The following VMP1 variants were observed in gnomAD, a reference collection of about 807,000 sequenced individuals.
VMP1 encodes the protein ectopic P-granules autophagy protein 3 homolog.
In VMP1, 11 loss-of-function variants were observed where a neutral mutation model predicts 56.0. That is an observed-to-expected ratio of 0.20 (90% CI 0.12 to 0.32). The LOEUF (loss-of-function observed/expected upper bound fraction) is 0.32. Among genes scored for constraint, VMP1 ranks in the 10% least tolerant of loss-of-function variants. The pLI, the probability that VMP1 is intolerant of heterozygous loss-of-function variation, is 1.00. For synonymous variants in VMP1, 149 were observed against 165.0 expected, an observed-to-expected ratio of 0.90 and a Z score of 0.74; for missense variants, 296 against 490.3, an observed-to-expected ratio of 0.60 and a Z score of 3.74.
chr17:59,732,590 G>A (rs181511022), intron 2 of VMP1, among the ~76,000 whole-genome samples: 7 of 152,268 alleles, frequency 4.6e-5, no homozygotes, highest in Admixed American at 4.6e-4. Context: ...ACATTTTGCA[G>A]CACTGATCTG....
intron 6 of VMP1, among the ~76,000 whole-genome samples, chr17:59,765,752 G>T (rs904449332): frequency 6.6e-6 from 1 of 152,062 alleles, no homozygotes; most frequent in Non-Finnish European, 1.5e-5. Flanking sequence ...CACAGGCAAA[G>T]GAGGTGGAGG....
At chr17:59,838,213 G>A (rs2039044902) in intron 10 of VMP1, 82 bp from the exon 11 acceptor site, 4 of 1,129,720 alleles carry the variant, frequency 3.5e-6, no homozygotes, top group Middle Eastern at 2.4e-4. Context: ...AGTCCAGGTG[G>A]TAAGTACATT....
intron 10 of VMP1, among the ~76,000 whole-genome samples, chr17:59,823,370 G>A (rs1245312337): frequency 6.6e-6 from 1 of 151,130 alleles, no homozygotes; most frequent in Non-Finnish European, 1.5e-5. Context: ...AGAATTTCTC[G>A]AACCTGGGAG....
chr17:59,832,830 C>G (rs937610342), intron 10 of VMP1, among the ~76,000 whole-genome samples: 1 of 140,502 alleles, frequency 7.1e-6, no homozygotes, highest in African/African-American at 2.7e-5. Context: ...AGGCTGGTCT[C>G]GAACTCCTGA....
intron 9 of VMP1, among the ~76,000 whole-genome samples, chr17:59,817,199 G>T (rs548295729): frequency 1.1e-4 from 14 of 132,658 alleles, no homozygotes; most frequent in Admixed American, 1.8e-4. Flanking sequence ...GCTTGAACCC[G>T]GGAGGCGGAG....
At chr17:59,743,268 T>C (rs909189963) in intron 5 of VMP1, among the ~76,000 whole-genome samples, 1 of 152,156 alleles carries the variant, frequency 6.6e-6, no homozygotes, top group Non-Finnish European at 1.5e-5. Flanking sequence ...CTTCCCCACC[T>C]GCCCCCAAAC....
chr17:59,802,053 T>C (rs916204134), intron 7 of VMP1, among the ~76,000 whole-genome samples: 2 of 151,648 alleles, frequency 1.3e-5, no homozygotes, highest in African/African-American at 4.8e-5. Flanking sequence ...ATACAAAAAT[T>C]AGCTGGGCAT....
At chr17:59,788,840 G>C (rs934589539) in intron 7 of VMP1, among the ~76,000 whole-genome samples, 1 of 150,640 alleles carries the variant, frequency 6.6e-6, no homozygotes, top group Non-Finnish European at 1.5e-5. Flanking sequence ...AAATAATTTT[G>C]TGTTATGTCT....
intron 7 of VMP1, among the ~76,000 whole-genome samples, chr17:59,794,448 A>G (rs1299801425): frequency 7.5e-6 from 1 of 134,176 alleles, no homozygotes; most frequent in Non-Finnish European, 1.6e-5. Flanking sequence ...TTGAACTCCT[A>G]ACCTCATGAT....
intron 5 of VMP1, among the ~76,000 whole-genome samples, chr17:59,753,522 CTG>C (rs1285433812): frequency 6.6e-6 from 1 of 152,178 alleles, no homozygotes; most frequent in East Asian, 1.9e-4. Context: ...CATTTGTAAA[CTG>C]TATGTAACAT....
intron 7 of VMP1, among the ~76,000 whole-genome samples, chr17:59,794,970 G>T (rs1011831967): frequency 1.3e-5 from 2 of 148,336 alleles, no homozygotes; most frequent in African/African-American, 5.0e-5. Flanking sequence ...TAAACTAATC[G>T]TTGGCACTAA....
chr17:59,730,591 G>T (rs1033604662), intron 1 of VMP1, among the ~76,000 whole-genome samples: 1 of 152,144 alleles, frequency 6.6e-6, no homozygotes, highest in Non-Finnish European at 1.5e-5. Context: ...AAGTGTCTGG[G>T]CAAGTTTTAA....
intron 1 of VMP1, among the ~76,000 whole-genome samples, chr17:59,725,214 G>T (rs2034556761): frequency 6.6e-6 from 1 of 152,088 alleles, no homozygotes; most frequent in Non-Finnish European, 1.5e-5. Context: ...GTATATATTT[G>T]TTGAATTAAG....
intron 6 of VMP1, among the ~76,000 whole-genome samples, chr17:59,772,127 A>C (rs753232785): frequency 1.3e-5 from 2 of 151,692 alleles, no homozygotes; most frequent in Non-Finnish European, 2.9e-5. Flanking sequence ...GGTAGCTGGG[A>C]CTACAGTCAC....
At chr17:59,798,870 G>A (rs1598410019) in intron 7 of VMP1, among the ~76,000 whole-genome samples, 1 of 152,134 alleles carries the variant, frequency 6.6e-6, no homozygotes, top group Non-Finnish European at 1.5e-5. Context: ...TGAGCAACAA[G>A]AGCGAAACTC....
At chr17:59,752,391 G>GAGCT (rs2035687993) in intron 5 of VMP1, among the ~76,000 whole-genome samples, 1 of 152,178 alleles carries the variant, frequency 6.6e-6, no homozygotes, top group Non-Finnish European at 1.5e-5. Flanking sequence ...CTTAATGAGA[G>GAGCT]AGCTAGCTGT....
intron 8 of VMP1, among the ~76,000 whole-genome samples, chr17:59,809,482 T>A (rs1467370329): frequency 3.5e-5 from 4 of 115,732 alleles, no homozygotes; most frequent in African/African-American, 1.5e-4. Flanking sequence ...CACACCCAGC[T>A]AATTTTTTTT....
At chr17:59,821,582 G>C (rs1046500544) in intron 10 of VMP1, among the ~76,000 whole-genome samples, 17 of 123,470 alleles carry the variant, frequency 1.4e-4, no homozygotes, top group African/African-American at 5.6e-4. Flanking sequence ...TTTCACTCTC[G>C]TTGCCCAGGC....
At chr17:59,735,682 G>T (rs972603223) in intron 3 of VMP1, 4 of 526,104 alleles carry the variant, frequency 7.6e-6, no homozygotes, top group Non-Finnish European at 1.3e-5. Context: ...TTGCTTACTG[G>T]ATTATCACAG....
Sources: gnomAD v4.1 joint callset for allele counts (sites outside exome capture counted in the v4.1 genomes callset) on GRCh38, gnomAD v4.1.1 for gene constraint, MANE v1.5 for transcripts, NCBI Gene and HGNC (gene_info 2026-07-23, HGNC 2026-07-21) for gene names.